Variants in FBN1 observed in about 807,000 individuals in gnomAD.
The protein encoded by FBN1 is fibrillin-1.
FBN1 carries 29 observed loss-of-function variants against 365.1 expected under a neutral mutation model. The observed-to-expected ratio is 0.08, with a 90% confidence interval of 0.06 to 0.11. The LOEUF (loss-of-function observed/expected upper bound fraction) is 0.11, where lower values mean the gene tolerates loss of function less well. FBN1 is among the 10% of genes least tolerant of loss of function. The pLI is 1.00. For missense variants in FBN1, 2,476 were observed against 3,703.2 expected (o/e 0.67, Z 8.60); for synonymous variants, 1,210 against 1,270.5 (o/e 0.95, Z 1.01).
rs78068079 is a variant in FBN1, at chr15:48,470,770, A to G, written c.4337-14T>C. On this transcript the variant is annotated splice_polypyrimidine_tract_variant and intron_variant, in intron 35 of 65. Coordinates refer to ENST00000316623, the MANE Select transcript of FBN1 (RefSeq NM_000138.5). The stretch of plus-strand genomic sequence containing the variant: ...ACTCATCAATATCTTGGGGGGAGGG[A>G]GAAAAAAGCAAAAAACTTAACTTAT... 16 of 1,613,704 alleles carry G rather than the reference A, an allele frequency of 9.9e-6. No homozygotes were observed. In the African/African-American group the frequency reaches 2.0e-4, roughly 20 times the overall value.
chr15:48,560,676 T>G (rs1454487341), intron 6 of FBN1, among the ~76,000 whole-genome samples: 3 of 152,220 alleles, frequency 2.0e-5, no homozygotes, highest in African/African-American at 4.8e-5. Flanking sequence ...AATGCGAGCT[T>G]CTAAAATTGC....
At chr15:48,574,135 C>T (rs991725309) in intron 6 of FBN1, among the ~76,000 whole-genome samples, 11 of 152,124 alleles carry the variant, frequency 7.2e-5, no homozygotes, top group Non-Finnish European at 1.6e-4. Flanking sequence ...GTCAGTGGTA[C>T]AATATTAGAC....
chr15:48,512,098 T>C (rs980069665), intron 13 of FBN1, among the ~76,000 whole-genome samples: 1 of 152,206 alleles, frequency 6.6e-6, no homozygotes, highest in African/African-American at 2.4e-5. Flanking sequence ...AGTTTTTTTC[T>C]GCTTAAAATG....
chr15:48,623,610 T>C (rs539113548), intron 2 of FBN1, among the ~76,000 whole-genome samples: 1 of 152,340 alleles, frequency 6.6e-6, no homozygotes, highest in Admixed American at 6.5e-5. Context: ...TTATGGCAGA[T>C]TGCTGCAACT....
In FBN1 at chr15:48,487,129, G is replaced by T. The variant is rs1364210063; in HGVS notation, c.3535C>A (p.Gln1179Lys). The part of the protein sequence containing the change: ...GRCVNLIGKY[Q>K]CACNPGYHST... The stretch of plus-strand genomic sequence containing the variant: ...TGGTAGCCAGGGTTGCAGGCACACT[G>T]ATACTTCCCTATGAGGTTCACGCAA... The change falls in exon 29 of 66, where the codon CAG (glutamine) becomes AAG (lysine). Residue 1179 changes from glutamine (Q) to lysine (K), a missense_variant. Transcript: ENST00000316623. 6.2e-7 allele frequency: 1 copy of T among 1,614,204 alleles called. No individual in the cohort carries two copies. Among genetic ancestry groups the T allele is most frequent in the South Asian group, 1.1e-5 (1 of 91,082 alleles).
chr15:48,552,019 C>A (rs1298927228), intron 6 of FBN1, among the ~76,000 whole-genome samples: 1 of 152,012 alleles, frequency 6.6e-6, no homozygotes, highest in Non-Finnish European at 1.5e-5. Flanking sequence ...GGGTATATAC[C>A]CGGTAGTGGT....
rs13379924 is a variant in FBN1 at position 48,521,407 on chromosome 15, C to T, written c.989-590G>A. 4.5e-3 allele frequency among the ~76,000 whole-genome samples: 692 copies of T among 152,238 alleles called. 3 individuals are homozygous for T. The highest frequency in any genetic ancestry group is 0.016 in the African/African-American group (667 of 41,530). On this transcript the variant is annotated intron_variant, in intron 9 of 65. Transcript: ENST00000316623. ...ATCAAGATTTCCTTTTGTCTTAGGGCCCTAACAGATTTTATAAGGTACTAG... is the reference window on the plus strand; with the variant it reads ...ATCAAGATTTCCTTTTGTCTTAGGGTCCTAACAGATTTTATAAGGTACTAG...
At chr15:48,475,804 A>G (rs1164328334) in intron 32 of FBN1, among the ~76,000 whole-genome samples, 1 of 152,236 alleles carries the variant, frequency 6.6e-6, no homozygotes, top group Non-Finnish European at 1.5e-5. Flanking sequence ...AAGCTCTGAA[A>G]TGGTCCTGGG....
chr15:48,571,921 T>C (rs1435701358), intron 6 of FBN1, among the ~76,000 whole-genome samples: 1 of 152,194 alleles, frequency 6.6e-6, no homozygotes, highest in Non-Finnish European at 1.5e-5. Context: ...GGAAAACATA[T>C]AATACAAACT....
chr15:48,629,097 C>T (rs1020676331), intron 2 of FBN1, among the ~76,000 whole-genome samples: 1 of 152,190 alleles, frequency 6.6e-6, no homozygotes, highest in Non-Finnish European at 1.5e-5. Flanking sequence ...ACAAACTAGA[C>T]GTTACTAGTC....
chr15:48,532,264 A>T (rs1486997171), intron 8 of FBN1, among the ~76,000 whole-genome samples: 2 of 152,230 alleles, frequency 1.3e-5, no homozygotes, highest in Non-Finnish European at 2.9e-5. Context: ...GACAAGTCAT[A>T]AGGACTATAC....
Position 48,415,775 on chromosome 15 carries a change from C to T in FBN1, c.7820-8G>A. ...TGAGGCATTCGTTTTCATCTGCAGG[C>T]AAAATAAGAAGCGGCATGTGTGGCA... On this transcript the variant is annotated splice_region_variant and splice_polypyrimidine_tract_variant and intron_variant, in intron 63 of 65. Transcript: ENST00000316623. The T allele has an allele frequency of 6.2e-7, 1 of 1,609,782 alleles. No individual in the cohort carries two copies. The highest frequency in any genetic ancestry group is 8.5e-7 in the Non-Finnish European group (1 of 1,176,016).
intron 63 of FBN1, among the ~76,000 whole-genome samples, chr15:48,419,881 A>T (rs2042926963): frequency 6.6e-6 from 1 of 152,214 alleles, no homozygotes. Context: ...TAAACAAGTG[A>T]ATGTGACACT....
intron 6 of FBN1, among the ~76,000 whole-genome samples, chr15:48,554,111 A>C (rs1597602159): frequency 6.6e-6 from 1 of 152,208 alleles, no homozygotes. Context: ...TGCTTTCCCC[A>C]CTACTTTGCC....
At chr15:48,419,104 C>T (rs2042921352) in intron 63 of FBN1, among the ~76,000 whole-genome samples, 2 of 152,124 alleles carry the variant, frequency 1.3e-5, no homozygotes, top group South Asian at 2.1e-4. Flanking sequence ...CTATTTTAGC[C>T]CACGGCAATG....
At position 48,468,109 on chromosome 15, in the gene FBN1, A is replaced by G. The variant is rs2043338407; in HGVS notation, c.4583-7T>C. ...CAATTTCCAGAGCGGGTATCTATTT[A>G]CCATATACAAACACAAAAGCATCAG... On this transcript the variant is annotated splice_polypyrimidine_tract_variant and splice_region_variant and intron_variant, in intron 37 of 65. Transcript: ENST00000316623. The G allele has an allele frequency of 6.2e-7, 1 of 1,614,094 alleles. No homozygotes were observed. The highest frequency in any genetic ancestry group is 2.2e-5 in the East Asian group (1 of 44,872).
chr15:48,521,342 G>C (rs1274690059), intron 9 of FBN1, among the ~76,000 whole-genome samples: 4 of 152,120 alleles, frequency 2.6e-5, no homozygotes, highest in Non-Finnish European at 5.9e-5. Context: ...TGTTATTTTT[G>C]AAGAATGAGT....
At chr15:48,523,606 A>G (rs2043879485) in intron 9 of FBN1, among the ~76,000 whole-genome samples, 1 of 152,176 alleles carries the variant, frequency 6.6e-6, no homozygotes, top group African/African-American at 2.4e-5. Context: ...AAGTAAAGGA[A>G]GAAAAAACTG....
At chr15:48,504,143 A>G (rs1009644579) in intron 16 of FBN1, among the ~76,000 whole-genome samples, 14 of 152,234 alleles carry the variant, frequency 9.2e-5, no homozygotes, top group Non-Finnish European at 1.8e-4. Flanking sequence ...CTGGAAACCA[A>G]TGGCCAGATT....
Sources: allele counts gnomAD v4.1 joint callset (sites outside exome capture counted in the v4.1 genomes callset), GRCh38; gene constraint gnomAD v4.1.1; transcripts MANE v1.5; gene names NCBI Gene and HGNC (gene_info 2026-07-23, HGNC 2026-07-21).